The following CAGE1 variants were observed in gnomAD, a reference collection of about 807,000 sequenced individuals.
CAGE1 encodes cancer antigen 1.
CAGE1 carries 66 observed loss-of-function variants against 94.9 expected under a neutral mutation model. That is an observed-to-expected ratio of 0.70 (90% CI 0.57 to 0.85). The LOEUF (loss-of-function observed/expected upper bound fraction) is 0.85. CAGE1 is among the 40% of genes least tolerant of loss of function. The probability of loss-of-function intolerance (pLI) is 0.00; values close to 1 mark genes in which losing one functional copy is unlikely to be tolerated. For missense variants in CAGE1, 865 were observed against 950.4 expected (o/e 0.91, Z 1.18); for synonymous variants, 319 against 321.0 (o/e 0.99, Z 0.07).
intron 9 of CAGE1, among the ~76,000 whole-genome samples, chr6:7,364,944 C>A (rs1760276155): frequency 6.6e-6 from 1 of 152,158 alleles, no homozygotes; most frequent in Non-Finnish European, 1.5e-5. Context: ...TATAAAAATT[C>A]ATTATGTTAA....
chr6:7,373,421 T>C lies in CAGE1; in HGVS notation c.1398A>G (p.Thr466=). The stretch of plus-strand genomic sequence containing the variant: ...GTTTCAACAAGTCCAAAGCAGAAGC[T>C]GTGGCCTTTTCCAGTTCTTTTTTGA... ...QQLKKELEKA[T]ASALDLLKRE... The change falls in exon 5 of 14, where the codon ACA becomes ACG. Residue 466 remains threonine, a synonymous_variant. Transcript: ENST00000502583. 1 of 1,613,894 alleles carries C rather than the reference T, an allele frequency of 6.2e-7. No individual in the cohort carries two copies. The highest frequency in any genetic ancestry group is 8.5e-7 in the Non-Finnish European group (1 of 1,179,850).
At chr6:7,334,366 C>T (rs1758874908) in intron 11 of CAGE1, among the ~76,000 whole-genome samples, 1 of 152,124 alleles carries the variant, frequency 6.6e-6, no homozygotes, top group African/African-American at 2.4e-5. Flanking sequence ...TTTGCTTACA[C>T]AGTGGTTTAC....
At chr6:7,360,166 C>G (rs548198279) in intron 9 of CAGE1, among the ~76,000 whole-genome samples, 9 of 152,310 alleles carry the variant, frequency 5.9e-5, no homozygotes, top group Non-Finnish European at 2.9e-5. Flanking sequence ...GATTATTGGA[C>G]CCACCCTGAC....
intron 9 of CAGE1, among the ~76,000 whole-genome samples, chr6:7,357,352 G>C (rs1759993059): frequency 1.3e-5 from 2 of 152,114 alleles, no homozygotes; most frequent in Admixed American, 1.3e-4. Context: ...GAAAATGTTA[G>C]GCTCTTTTCA....
intron 12 of CAGE1, chr6:7,331,464 C>A (rs1758751061): frequency 4.4e-6 from 2 of 457,616 alleles, no homozygotes; most frequent in Non-Finnish European, 4.0e-6. Context: ...ACCAGCCACT[C>A]CTAATGTTGC....
intron 6 of CAGE1, 137 bp downstream of exon 6, chr6:7,369,782 G>A: frequency 4.9e-6 from 4 of 808,832 alleles, no homozygotes; most frequent in Non-Finnish European, 7.4e-6. Flanking sequence ...TGGATGGATG[G>A]CTTAGGGGTC....
At chr6:7,348,732 GA>G (rs1459952485) in intron 11 of CAGE1, among the ~76,000 whole-genome samples, 3 of 152,050 alleles carry the variant, frequency 2.0e-5, no homozygotes, top group Admixed American at 6.6e-5. Context: ...AAAACTTCAG[GA>G]AACATTGGAC....
chr6:7,332,056 A>G (rs751128463), intron 12 of CAGE1, among the ~76,000 whole-genome samples: 1 of 152,126 alleles, frequency 6.6e-6, no homozygotes, highest in Non-Finnish European at 1.5e-5. Flanking sequence ...TACTGTCTTA[A>G]TATTAATCAA....
chr6:7,330,775 C>T (rs1252744455), intron 12 of CAGE1, among the ~76,000 whole-genome samples: 1 of 152,196 alleles, frequency 6.6e-6, no homozygotes, highest in Non-Finnish European at 1.5e-5. Flanking sequence ...CTGGAAAGGG[C>T]TTTGAGAGCT....
At position 7,367,376 on chromosome 6, in the gene CAGE1, G is replaced by A. The variant is rs76250374; in HGVS notation, c.2004+1312C>T. 7.6e-3 allele frequency among the ~76,000 whole-genome samples: 1,134 copies of A among 148,312 alleles called. 7 individuals carry two copies. The highest frequency in any genetic ancestry group is 0.011 in the Non-Finnish European group (772 of 67,714). On this transcript the variant is annotated intron_variant, in intron 7 of 13. Transcript: ENST00000502583. ...CACAGCTTCGACCTTTCTGGGCTCA[G>A]GTGATCCTCGCACCTCAGCCTCCGG...
At chr6:7,366,027 C>A (rs1384081675) in intron 7 of CAGE1, 143 bp from the exon 8 acceptor site, 8 of 543,648 alleles carry the variant, frequency 1.5e-5, no homozygotes, top group Non-Finnish European at 9.6e-6. Flanking sequence ...GGGTGGATCA[C>A]CTCAGGTCAG....
chr6:7,376,430 A>AAAT (rs1192380854), intron 4 of CAGE1, among the ~76,000 whole-genome samples: 1 of 145,712 alleles, frequency 6.9e-6, no homozygotes, highest in African/African-American at 2.6e-5. Context: ...ATAAATAAAT[A>AAAT]AATAAAATAA....
chr6:7,344,084 G>A (rs943648181), intron 11 of CAGE1, among the ~76,000 whole-genome samples: 11 of 152,344 alleles, frequency 7.2e-5, no homozygotes, highest in South Asian at 2.1e-4. Context: ...GCTCGCTCTC[G>A]GCACCTCCTC....
intron 4 of CAGE1, among the ~76,000 whole-genome samples, chr6:7,377,764 A>T (rs1309046680): frequency 6.6e-6 from 1 of 152,082 alleles, no homozygotes; most frequent in Non-Finnish European, 1.5e-5. Context: ...ACAAAAAAAG[A>T]GAAAAGGTAT....
intron 11 of CAGE1, among the ~76,000 whole-genome samples, chr6:7,343,492 T>C (rs1447158048): frequency 6.6e-6 from 1 of 152,196 alleles, no homozygotes; most frequent in East Asian, 1.9e-4. Flanking sequence ...TTTCTGTTAT[T>C]TTTGATATGG....
Position 7,362,034 on chromosome 6 carries a change from G to C in CAGE1, c.2193+3434C>G, listed in dbSNP as rs1232378167. 1.3e-5 allele frequency among the ~76,000 whole-genome samples: 2 copies of C among 152,206 alleles called. No individual in the cohort carries two copies. The highest frequency in any genetic ancestry group is 2.9e-5 in the Non-Finnish European group (2 of 68,026). On this transcript the variant is annotated intron_variant, in intron 9 of 13. Coordinates refer to ENST00000502583, the MANE Select transcript of CAGE1 (RefSeq NM_001170692.2). This position sits in a 1 kb window ranked among gnomAD's most constrained non-coding sequence, Gnocchi z 4.1. ...AGTGGACCACAAGATACTGGGCTTT[G>C]ATTGTTTTCTTTTGGCTCACTTGGA...
At position 7,368,784 on chromosome 6, in the gene CAGE1, A is replaced by AATTCTGATGCT; in HGVS notation, c.1907_1908insAGCATCAGAAT (p.Asp637AlafsTer18). 6.5e-7 allele frequency: 1 copy of AATTCTGATGCT among 1,544,294 alleles called. No homozygotes were observed. Among genetic ancestry groups the AATTCTGATGCT allele is most frequent in the Non-Finnish European group, 8.7e-7 (1 of 1,143,894 alleles). On this transcript the variant is annotated frameshift_variant, in exon 7 of 14. Transcript: ENST00000502583. LOFTEE classifies it high-confidence loss of function. Reference sequence around the variant, plus strand: ...CACTCTCTTTGAAATGTTCAGCATCAGAATTGATGATGTCCTAAGGGTAAG... The same window carrying AATTCTGATGCT: ...CACTCTCTTTGAAATGTTCAGCATCAATTCTGATGCTGAATTGATGATGTCCTAAGGGTAAG...
At chr6:7,343,801 G>A (rs1290984699) in intron 11 of CAGE1, among the ~76,000 whole-genome samples, 2 of 152,186 alleles carry the variant, frequency 1.3e-5, no homozygotes, top group African/African-American at 2.4e-5. Context: ...TGGGAAGCCA[G>A]GACAGGAAAT....
intron 9 of CAGE1, among the ~76,000 whole-genome samples, chr6:7,364,402 T>G (rs986645306): frequency 6.6e-6 from 1 of 152,220 alleles, no homozygotes; most frequent in Non-Finnish European, 1.5e-5. Flanking sequence ...TTGTTTCGCT[T>G]TCTAGCTCCT....
Sources: allele counts gnomAD v4.1 joint callset (sites outside exome capture counted in the v4.1 genomes callset), GRCh38; gene constraint gnomAD v4.1.1; non-coding constraint Gnocchi (gnomAD v3.1); transcripts MANE v1.5; gene names NCBI Gene and HGNC (gene_info 2026-07-23, HGNC 2026-07-21).